Variants in CFAP20DC observed in about 807,000 individuals in gnomAD.
CFAP20DC encodes CFAP20 domain containing, also known as protein CFAP20DC.
CFAP20DC carries 84 observed loss-of-function variants against 101.7 expected under a neutral mutation model. The ratio of observed to expected loss-of-function variants is 0.83; its 90% CI spans 0.69 to 0.99. The LOEUF is 0.99. CFAP20DC is among the 50% of genes least tolerant of loss of function. The probability of loss-of-function intolerance (pLI) is 0.00; values close to 1 mark genes in which losing one functional copy is unlikely to be tolerated. For missense variants in CFAP20DC, 1,007 were observed against 970.3 expected, an observed-to-expected ratio of 1.04 and a Z score of -0.50; for synonymous variants, 359 against 351.2, an observed-to-expected ratio of 1.02 and a Z score of -0.25.
chr3:58,803,196 CCT>C (rs965452357), intron 15 of CFAP20DC, among the ~76,000 whole-genome samples: 1 of 152,178 alleles, frequency 6.6e-6, no homozygotes, highest in African/African-American at 2.4e-5. Flanking sequence ...ATCACGCTTT[CCT>C]CTCTGTGGAA....
intron 1 of CFAP20DC, 94 bp from the exon 2 acceptor site, chr3:59,047,348 T>C: frequency 1.2e-6 from 1 of 806,362 alleles, no homozygotes; most frequent in Admixed American, 2.4e-5. Context: ...CATCTGTCAG[T>C]TAAGCTGATC....
chr3:58,867,833 C>A lies in CFAP20DC; in HGVS notation c.1119G>T (p.Arg373Ser). ...GTGCCATACCGCTGGGTGTCTCTGTCCTTTCTCTGCTGGTACTTTTTAACC... is the reference window on the plus strand; with the variant it reads ...GTGCCATACCGCTGGGTGTCTCTGTACTTTCTCTGCTGGTACTTTTTAACC... Reference protein sequence around the residue: ...RLRLKSTSRERTETPSGSSSG... With the variant: ...RLRLKSTSRESTETPSGSSSG... The change falls in exon 10 of 17, where the codon AGG becomes AGT. Residue 373 changes from arginine (R) to serine (S), a missense_variant. Physicochemically the swap from Arg to Ser is moderately radical, Grantham distance 110 (BLOSUM62 -1). Coordinates refer to ENST00000482387, the MANE Select transcript of CFAP20DC (RefSeq NM_001394063.1). 6.2e-7 allele frequency: 1 copy of A among 1,613,542 alleles called. No individual in the cohort carries two copies. The highest frequency in any genetic ancestry group is 1.1e-5 in the South Asian group (1 of 91,044).
rs2079973952 is a variant in CFAP20DC at position 58,869,640 on chromosome 3, T to C, written c.853-150A>G. On this transcript the variant is annotated intron_variant, in intron 8 of 16. Coordinates refer to ENST00000482387, the MANE Select transcript of CFAP20DC (RefSeq NM_001394063.1). This position sits in a 1 kb window ranked among gnomAD's most constrained non-coding sequence, Gnocchi z 4.3. ...TAAGATGTGAAGAAAAAGGAAATTATTATAGGAAATTAGAAATGGAAGGAG... is the reference window on the plus strand; with the variant it reads ...TAAGATGTGAAGAAAAAGGAAATTACTATAGGAAATTAGAAATGGAAGGAG... 1.9e-6 allele frequency: 1 copy of C among 526,598 alleles called. No homozygotes were observed. Among genetic ancestry groups the C allele is most frequent in the Admixed American group, 3.9e-5 (1 of 25,768 alleles). 32.6% of individuals were successfully genotyped at this position (526,598 alleles called of 1,614,324 possible). A position where few individuals can be genotyped will look rare whatever the true frequency, so the allele number is the denominator to read the frequency against.
intron 6 of CFAP20DC, among the ~76,000 whole-genome samples, chr3:58,901,447 T>C (rs1007519750): frequency 6.6e-6 from 1 of 152,186 alleles, no homozygotes; most frequent in Non-Finnish European, 1.5e-5. Context: ...CTGCTCTCCT[T>C]ATCTGTAAAT....
At chr3:58,804,352 T>A (rs1295176172) in intron 15 of CFAP20DC, among the ~76,000 whole-genome samples, 1 of 151,750 alleles carries the variant, frequency 6.6e-6, no homozygotes, top group Non-Finnish European at 1.5e-5. Flanking sequence ...TTGTTCAGAC[T>A]ACAAATTAGT....
chr3:58,945,936 C>T (rs575037236), intron 4 of CFAP20DC, among the ~76,000 whole-genome samples: 2 of 151,646 alleles, frequency 1.3e-5, no homozygotes, highest in African/African-American at 2.4e-5. Context: ...ACCTCGTGAT[C>T]GGCCCACCTC....
chr3:58,743,391 T>C (rs1176706752), intron 16 of CFAP20DC, among the ~76,000 whole-genome samples: 4 of 152,190 alleles, frequency 2.6e-5, no homozygotes, highest in East Asian at 1.9e-4. Context: ...TGAAAGTTCA[T>C]GTAATGAGTT....
chr3:58,950,283 A>G lies in CFAP20DC; in HGVS notation c.279-12521T>C, dbSNP rs1448339092. Among the ~76,000 whole-genome samples the G allele has an allele frequency of 3.9e-5, 6 of 152,342 alleles. No homozygotes were observed. In the East Asian group the frequency reaches 1.2e-3, roughly 29 times the overall value. On this transcript the variant is annotated intron_variant, in intron 4 of 16. Transcript: ENST00000482387. ...AGAGGATACAAACAAATGGAAGAAC[A>G]TTCCATGCTCATGGGTAGGAAGAAT...
At position 59,001,173 on chromosome 3, in the gene CFAP20DC, A is replaced by C. The variant is rs1340692802; in HGVS notation, c.278+38384T>G. 6.6e-6 allele frequency among the ~76,000 whole-genome samples: 1 copy of C among 152,172 alleles called. No homozygotes were observed. Among genetic ancestry groups the C allele is most frequent in the Non-Finnish European group, 1.5e-5 (1 of 68,012 alleles). ...GAAAGGAAAGAGACCTAAGAGATTT[A>C]AATCAATGGTAAAATAACACACATT... On this transcript the variant is annotated intron_variant, in intron 4 of 16. Coordinates refer to ENST00000482387, the MANE Select transcript of CFAP20DC (RefSeq NM_001394063.1). The surrounding 1 kb of genome is among the most constrained non-coding windows in gnomAD (Gnocchi z 4.5).
Position 58,882,122 on chromosome 3 carries a change from G to A in CFAP20DC, c.715+2423C>T, listed in dbSNP as rs578253017. On this transcript the variant is annotated intron_variant, in intron 7 of 16. Coordinates refer to ENST00000482387, the MANE Select transcript of CFAP20DC (RefSeq NM_001394063.1). The surrounding 1 kb of genome is among the most constrained non-coding windows in gnomAD (Gnocchi z 4.2). ...AACGAATATAATTGGGATTCACAGA[G>A]CAGAAGAAATATGCTATTAGATGAC... 2.0e-5 allele frequency among the ~76,000 whole-genome samples: 3 copies of A among 152,214 alleles called. No individual in the cohort carries two copies. In the South Asian group the frequency reaches 6.2e-4, roughly 32 times the overall value.
At position 58,913,323 on chromosome 3, in the gene CFAP20DC, G is replaced by C. The variant is rs2084338698; in HGVS notation, c.550+385C>G. On this transcript the variant is annotated intron_variant, in intron 6 of 16. Transcript: ENST00000482387. This position sits in a 1 kb window ranked among gnomAD's most constrained non-coding sequence, Gnocchi z 4.4. ...TTGTGGGAGAGGCTGGATTCTTCTT[G>C]ACTATAGGCTCTCAGCTGACTCTCT... Among the ~76,000 whole-genome samples the C allele has an allele frequency of 6.6e-6, 1 of 151,994 alleles. No individual in the cohort carries two copies. Among genetic ancestry groups the C allele is most frequent in the South Asian group, 2.1e-4 (1 of 4,814 alleles).
intron 4 of CFAP20DC, among the ~76,000 whole-genome samples, chr3:59,024,796 T>TA (rs1358129859): frequency 1.3e-5 from 2 of 152,004 alleles, no homozygotes; most frequent in Non-Finnish European, 2.9e-5. Flanking sequence ...ACTACCAGAA[T>TA]ACAAATGAAA....
intron 14 of CFAP20DC, among the ~76,000 whole-genome samples, chr3:58,819,357 G>A (rs2075438782): frequency 6.6e-6 from 1 of 152,072 alleles, no homozygotes; most frequent in Non-Finnish European, 1.5e-5. Context: ...CCAGGAGCTG[G>A]TTTTTTGAAA....
intron 4 of CFAP20DC, among the ~76,000 whole-genome samples, chr3:59,022,612 C>T (rs2093823443): frequency 6.6e-6 from 1 of 151,954 alleles, no homozygotes; most frequent in Non-Finnish European, 1.5e-5. Context: ...GTACATGAAA[C>T]AGAAAGGTTG....
chr3:58,823,638 G>T (rs978313794), intron 14 of CFAP20DC, among the ~76,000 whole-genome samples: 2 of 152,058 alleles, frequency 1.3e-5, no homozygotes, highest in African/African-American at 2.4e-5. Flanking sequence ...TGTGAACCCA[G>T]GCAGTCTGAG....
chr3:58,935,372 C>T (rs1417838300), intron 5 of CFAP20DC, among the ~76,000 whole-genome samples: 1 of 151,862 alleles, frequency 6.6e-6, no homozygotes, highest in Non-Finnish European at 1.5e-5. Context: ...AGATTCAATG[C>T]CATCCCCATC....
chr3:58,979,219 T>C (rs1031015878), intron 4 of CFAP20DC, among the ~76,000 whole-genome samples: 1 of 152,230 alleles, frequency 6.6e-6, no homozygotes. Context: ...TCAGACTGCA[T>C]AGGCACAAAT....
chr3:58,755,348 T>C (rs1460208138), intron 15 of CFAP20DC, among the ~76,000 whole-genome samples: 1 of 152,142 alleles, frequency 6.6e-6, no homozygotes, highest in Non-Finnish European at 1.5e-5. Flanking sequence ...ACTGTTTATT[T>C]AGGCTACTTA....
intron 4 of CFAP20DC, among the ~76,000 whole-genome samples, chr3:58,945,201 G>T (rs1214229060): frequency 1.3e-5 from 2 of 152,178 alleles, no homozygotes; most frequent in East Asian, 3.9e-4. Flanking sequence ...GCAGAGTGCA[G>T]ATTTAAACTC....
Sources: gnomAD v4.1 joint callset for allele counts (sites outside exome capture counted in the v4.1 genomes callset) on GRCh38, gnomAD v4.1.1 for gene constraint, Gnocchi (gnomAD v3.1) non-coding constraint, MANE v1.5 for transcripts, NCBI Gene and HGNC (gene_info 2026-07-23, HGNC 2026-07-21) for gene names.